The following GRID2 variants were observed in gnomAD, a reference collection of about 807,000 sequenced individuals.
GRID2 encodes the protein glutamate ionotropic receptor delta type subunit 2.
A neutral mutation model predicts 114.8 loss-of-function variants in GRID2; 33 were observed. That is an observed-to-expected ratio of 0.29 (90% CI 0.22 to 0.38). The LOEUF (loss-of-function observed/expected upper bound fraction) is 0.38. Ranked by LOEUF, GRID2 falls within the 10% of genes least tolerant of loss-of-function variation. The probability of loss-of-function intolerance (pLI) is 1.00; values close to 1 mark genes in which losing one functional copy is unlikely to be tolerated. For synonymous variants in GRID2, 505 were observed against 449.9 expected (o/e 1.12, Z -1.55); for missense variants, 1,184 against 1,257.7 (o/e 0.94, Z 0.89).
chr4:93,178,380 ATTTT>A (rs11428288), intron 4 of GRID2, among the ~76,000 whole-genome samples: 2,054 of 50,158 alleles, frequency 0.041, 51 homozygotes, highest in African/African-American at 0.089. Context: ...TTGAAAATAG[ATTTT>A]TTTTTTTTTT....
intron 1 of GRID2, among the ~76,000 whole-genome samples, chr4:92,556,790 T>C (rs1726869985): frequency 6.6e-6 from 1 of 152,124 alleles, no homozygotes; most frequent in African/African-American, 2.4e-5. Context: ...CAACAGCCTC[T>C]CTAGTTAGTA....
exon 2 of GRID2, chr4:93,808,115 A>T (rs2110373567): frequency 6.6e-6 from 1 of 152,232 alleles, no homozygotes; most frequent in Non-Finnish European, 1.5e-5. Context: ...CTAATATATT[A>T]TTTCTAAATA....
rs144536115 is a variant in GRID2, at chr4:92,406,914, C to T, written c.88+102170C>T. The stretch of plus-strand genomic sequence containing the variant: ...TTTCTTACGGCTGCATGTATTAATC[C>T]GTTCTCACACTGCTATAAAGATACT... On this transcript the variant is annotated intron_variant, in intron 1 of 15. Transcript: ENST00000282020. Among the ~76,000 whole-genome samples the T allele has an allele frequency of 1.1e-4, 17 of 151,806 alleles. No individual in the cohort carries two copies. The East Asian group carries it at 1.5e-3, about 14-fold the overall frequency.
At chr4:92,710,046 A>G (rs969415502) in intron 2 of GRID2, among the ~76,000 whole-genome samples, 1 of 152,150 alleles carries the variant, frequency 6.6e-6, no homozygotes, top group African/African-American at 2.4e-5. Context: ...TAATATTTTT[A>G]TATGTTTGAC....
In GRID2 at chr4:92,872,966, G is replaced by A. The variant is rs1745380925; in HGVS notation, c.245-212029G>A. 1.3e-5 allele frequency among the ~76,000 whole-genome samples: 2 copies of A among 152,190 alleles called. 1 individual carries two copies. The highest frequency in any genetic ancestry group is 2.9e-5 in the Non-Finnish European group (2 of 68,036). On this transcript the variant is annotated intron_variant, in intron 2 of 15. Transcript: ENST00000282020. ...TCTTAGAGGCCTTTCTAGAACTGGA[G>A]TTAACTAGAAGTCAACATGGTGGAT...
chr4:92,481,989 T>C lies in GRID2; in HGVS notation c.89-108142T>C, dbSNP rs1579441769. Among the ~76,000 whole-genome samples the C allele has an allele frequency of 8.2e-5, 3 of 36,428 alleles. No individual in the cohort carries two copies. In the East Asian group the frequency reaches 2.0e-3, roughly 24 times the overall value. The allele number at this position is 36,428 out of a possible 152,430, so 23.9% of individuals were successfully genotyped here. A position where few individuals can be genotyped will look rare whatever the true frequency, so the allele number is the denominator to read the frequency against. ...ACTGGAGAATAAAATGTGATATATA[T>C]ATATATATATATATATATATATATA... On this transcript the variant is annotated intron_variant, in intron 1 of 15. Coordinates refer to ENST00000282020, the MANE Select transcript of GRID2 (RefSeq NM_001510.4).
intron 8 of GRID2, among the ~76,000 whole-genome samples, chr4:93,253,511 A>G (rs1227746875): frequency 1.3e-5 from 2 of 152,158 alleles, no homozygotes; most frequent in Admixed American, 6.5e-5. Flanking sequence ...TTTCCACAAT[A>G]TCAAAAAGGT....
At chr4:92,483,967 A>T (rs1449186277) in intron 1 of GRID2, among the ~76,000 whole-genome samples, 1 of 152,178 alleles carries the variant, frequency 6.6e-6, no homozygotes, top group Non-Finnish European at 1.5e-5. Flanking sequence ...GATATGGCAT[A>T]GGAAAGAAGA....
intron 2 of GRID2, among the ~76,000 whole-genome samples, chr4:92,799,044 T>C (rs1295813232): frequency 6.6e-6 from 1 of 151,794 alleles, no homozygotes; most frequent in Non-Finnish European, 1.5e-5. Flanking sequence ...GGGTAGATGG[T>C]TTCAGTGTGA....
chr4:92,637,606 T>A (rs557465558), intron 2 of GRID2, among the ~76,000 whole-genome samples: 1 of 152,174 alleles, frequency 6.6e-6, no homozygotes, highest in East Asian at 1.9e-4. Flanking sequence ...TAAATCTTAA[T>A]GGATTATGGA....
chr4:93,520,909 G>A (rs968633792), intron 13 of GRID2, among the ~76,000 whole-genome samples: 5 of 152,176 alleles, frequency 3.3e-5, no homozygotes, highest in Admixed American at 3.3e-4. Flanking sequence ...TCTAGATGCT[G>A]TGTGGAGACC....
chr4:93,159,671 A>G (rs1489793317), intron 4 of GRID2, among the ~76,000 whole-genome samples: 1 of 149,342 alleles, frequency 6.7e-6, no homozygotes, highest in Non-Finnish European at 1.5e-5. Context: ...AATAAGACAG[A>G]TAAGAATTTT....
chr4:92,567,945 G>A (rs533454513), intron 1 of GRID2, among the ~76,000 whole-genome samples: 2 of 152,024 alleles, frequency 1.3e-5, no homozygotes, highest in South Asian at 4.1e-4. Context: ...TAATAAACAA[G>A]AGATATATAG....
chr4:92,680,752 C>T (rs917570916), intron 2 of GRID2, among the ~76,000 whole-genome samples: 1 of 152,108 alleles, frequency 6.6e-6, no homozygotes, highest in Non-Finnish European at 1.5e-5. Flanking sequence ...ACAGTTTAAT[C>T]CCAGACATGA....
chr4:92,425,809 G>T (rs34121315), intron 1 of GRID2, among the ~76,000 whole-genome samples: 12,380 of 152,116 alleles, frequency 0.081, 554 homozygotes, highest in East Asian at 0.13. Context: ...TTATGAAAGA[G>T]ATGAAAAATG....
intron 2 of GRID2, among the ~76,000 whole-genome samples, chr4:92,740,672 C>CATAGATAG (rs146022855): frequency 2.2e-4 from 19 of 85,944 alleles, no homozygotes; most frequent in African/African-American, 6.2e-4. Context: ...GTTTATTCTG[C>CATAGATAG]ATAGATAGAT....
At chr4:92,461,378 T>C (rs1338939689) in intron 1 of GRID2, among the ~76,000 whole-genome samples, 1 of 151,974 alleles carries the variant, frequency 6.6e-6, no homozygotes, top group Non-Finnish European at 1.5e-5. Context: ...TTTTTATACG[T>C]TGTTTTGCTT....
chr4:93,574,910 T>G (rs1303551852), intron 13 of GRID2, among the ~76,000 whole-genome samples: 1 of 152,178 alleles, frequency 6.6e-6, no homozygotes, highest in African/African-American at 2.4e-5. Flanking sequence ...TGGGTAGCTC[T>G]TCTGCTCAAA....
chr4:93,619,311 C>T (rs1430187233), intron 13 of GRID2, among the ~76,000 whole-genome samples: 3 of 152,080 alleles, frequency 2.0e-5, no homozygotes, highest in Admixed American at 2.0e-4. Flanking sequence ...TTAATTTGCC[C>T]AAAGTGTGAG....
Sources: allele counts gnomAD v4.1 joint callset (sites outside exome capture counted in the v4.1 genomes callset), GRCh38; gene constraint gnomAD v4.1.1; transcripts MANE v1.5; gene names NCBI Gene and HGNC (gene_info 2026-07-23, HGNC 2026-07-21).